Variants in CDH13 observed in about 807,000 individuals in gnomAD.
The protein encoded by CDH13 is cadherin-13.
CDH13 carries 24 observed loss-of-function variants against 63.8 expected under a neutral mutation model. That is an observed-to-expected ratio of 0.38 (90% confidence interval 0.27 to 0.53). The LOEUF is 0.53. Ranked by LOEUF, CDH13 falls within the 20% of genes least tolerant of loss-of-function variation. The probability of loss-of-function intolerance (pLI) is 0.85; values close to 1 mark genes in which losing one functional copy is unlikely to be tolerated. For synonymous variants in CDH13, 503 were observed against 355.3 expected (o/e 1.42, Z -4.67); for missense variants, 1,049 against 903.1 (o/e 1.16, Z -2.07).
At chr16:83,762,651 C>A (rs769657032) in intron 11 of CDH13, among the ~76,000 whole-genome samples, 1 of 152,190 alleles carries the variant, frequency 6.6e-6, no homozygotes, top group Non-Finnish European at 1.5e-5. Context: ...CGGCCACAGG[C>A]AGGAAAGGCA....
chr16:83,546,196 G>A (rs1189497777), intron 7 of CDH13, among the ~76,000 whole-genome samples: 1 of 152,104 alleles, frequency 6.6e-6, no homozygotes, highest in Admixed American at 6.6e-5. Context: ...TCCAAGTGTA[G>A]AGCGTGGGAC....
intron 6 of CDH13, among the ~76,000 whole-genome samples, chr16:83,453,975 C>T (rs2072955425): frequency 6.6e-6 from 1 of 152,220 alleles, no homozygotes; most frequent in Non-Finnish European, 1.5e-5. Context: ...CGCAGGCACC[C>T]TCTGAAGGCT....
intron 1 of CDH13, among the ~76,000 whole-genome samples, chr16:82,702,630 C>G (rs959702434): frequency 2.0e-5 from 3 of 152,136 alleles, no homozygotes; most frequent in Admixed American, 6.5e-5. Context: ...ATTCTTTCCC[C>G]CACTCAAATT....
chr16:82,792,694 C>T (rs1365058675), intron 1 of CDH13, among the ~76,000 whole-genome samples: 3 of 152,200 alleles, frequency 2.0e-5, no homozygotes, highest in African/African-American at 4.8e-5. Flanking sequence ...TGGCTCTGTA[C>T]TCAGAAGGCC....
chr16:83,543,062 C>T (rs1000107452), intron 7 of CDH13, among the ~76,000 whole-genome samples: 1 of 152,258 alleles, frequency 6.6e-6, no homozygotes, highest in South Asian at 2.1e-4. Context: ...GCAAAGACAA[C>T]ATTCCTTTCT....
chr16:82,805,546 A>G (rs1597647749), intron 1 of CDH13, among the ~76,000 whole-genome samples: 1 of 152,290 alleles, frequency 6.6e-6, no homozygotes, highest in East Asian at 1.9e-4. Context: ...GGCAGGGCCA[A>G]TGACAGATAG....
chr16:83,017,882 A>G (rs1914958519), intron 2 of CDH13, among the ~76,000 whole-genome samples: 1 of 152,186 alleles, frequency 6.6e-6, no homozygotes, highest in African/African-American at 2.4e-5. Flanking sequence ...TGGGTCATAA[A>G]CCAAAGCTTA....
chr16:83,047,829 T>C lies in CDH13; in HGVS notation c.366+15611T>C, dbSNP rs1032248570. Among the ~76,000 whole-genome samples the C allele has an allele frequency of 2.0e-5, 3 of 152,222 alleles. No homozygotes were observed. The highest frequency in any genetic ancestry group is 4.4e-5 in the Non-Finnish European group (3 of 68,030). On this transcript the variant is annotated intron_variant, in intron 3 of 13. Coordinates refer to ENST00000567109, the MANE Select transcript of CDH13 (RefSeq NM_001257.5). This position sits in a 1 kb window ranked among gnomAD's most constrained non-coding sequence, Gnocchi z 4.9. ...AGTGCATTTCTTACATTAAGTCATA[T>C]AATCTTTATAATAACTCTATAATAT...
chr16:83,306,529 CTTG>C (rs2089883401), intron 5 of CDH13, among the ~76,000 whole-genome samples: 1 of 152,176 alleles, frequency 6.6e-6, no homozygotes, highest in South Asian at 2.1e-4. Context: ...CTTTCTCTAC[CTTG>C]TTGTGACAGC....
chr16:83,344,727 C>A, intron 5 of CDH13, 135 bp from the exon 6 acceptor site: 2 of 852,236 alleles, frequency 2.3e-6, no homozygotes, highest in Non-Finnish European at 3.6e-6. Context: ...AGTGACTATC[C>A]TCTGAGACCA....
chr16:83,002,583 C>G (rs551917566), intron 2 of CDH13, among the ~76,000 whole-genome samples: 13 of 152,216 alleles, frequency 8.5e-5, no homozygotes, highest in Non-Finnish European at 1.6e-4. Flanking sequence ...TTCATTCTCG[C>G]TTGGTGCAGA....
At chr16:82,850,296 T>G (rs1007096874) in intron 1 of CDH13, among the ~76,000 whole-genome samples, 3 of 152,172 alleles carry the variant, frequency 2.0e-5, no homozygotes, top group Non-Finnish European at 4.4e-5. Flanking sequence ...ATGGATGATT[T>G]TGAGAGGTTC....
At position 83,374,943 on chromosome 16, in the gene CDH13, T is replaced by C. The variant is rs140230114; in HGVS notation, c.781+29937T>C. Among the ~76,000 whole-genome samples, 273 of 152,330 alleles carry C rather than the reference T, an allele frequency of 1.8e-3. 4 individuals carry two copies. Among genetic ancestry groups the C allele is most frequent in the African/African-American group, 6.2e-3 (256 of 41,564 alleles). ...TATACAGATTTGAAGTGCAAAGGGTTTGAGTCAACTTTTTGATAACCGTGG... is the reference window on the plus strand; with the variant it reads ...TATACAGATTTGAAGTGCAAAGGGTCTGAGTCAACTTTTTGATAACCGTGG... On this transcript the variant is annotated intron_variant, in intron 6 of 13. Coordinates refer to ENST00000567109, the MANE Select transcript of CDH13 (RefSeq NM_001257.5).
chr16:82,730,561 T>G (rs781176104), intron 1 of CDH13, among the ~76,000 whole-genome samples: 1 of 152,186 alleles, frequency 6.6e-6, no homozygotes, highest in South Asian at 2.1e-4. Context: ...TGATCACAGA[T>G]CACCATGACA....
intron 4 of CDH13, among the ~76,000 whole-genome samples, chr16:83,189,958 G>T (rs1462985524): frequency 2.6e-5 from 4 of 152,138 alleles, no homozygotes; most frequent in African/African-American, 9.7e-5. Flanking sequence ...TCTCTTGCCT[G>T]CCCCCATGTA....
intron 6 of CDH13, among the ~76,000 whole-genome samples, chr16:83,369,702 G>C (rs919760360): frequency 6.6e-6 from 1 of 152,166 alleles, no homozygotes; most frequent in Non-Finnish European, 1.5e-5. Flanking sequence ...TGGGATTACA[G>C]GCATGAGCCA....
chr16:82,783,656 C>T (rs1228450895), intron 1 of CDH13, among the ~76,000 whole-genome samples: 1 of 152,206 alleles, frequency 6.6e-6, no homozygotes, highest in African/African-American at 2.4e-5. Context: ...GTTGCTTGTT[C>T]AATGAGATTC....
At chr16:82,718,420 C>T (rs1002260322) in intron 1 of CDH13, among the ~76,000 whole-genome samples, 1 of 152,140 alleles carries the variant, frequency 6.6e-6, no homozygotes, top group Non-Finnish European at 1.5e-5. Context: ...GACCTCTGAA[C>T]TGCCACCTGA....
intron 1 of CDH13, among the ~76,000 whole-genome samples, chr16:82,773,077 A>G (rs2035335450): frequency 6.6e-6 from 1 of 152,214 alleles, no homozygotes; most frequent in South Asian, 2.1e-4. Context: ...GAGGGATGGA[A>G]GTCTGGATAC....
Sources: gnomAD v4.1 joint callset for allele counts (sites outside exome capture counted in the v4.1 genomes callset) on GRCh38, gnomAD v4.1.1 for gene constraint, Gnocchi (gnomAD v3.1) non-coding constraint, MANE v1.5 for transcripts, NCBI Gene and HGNC (gene_info 2026-07-23, HGNC 2026-07-21) for gene names.